The following KCNH8 variants were observed in gnomAD, a reference collection of about 807,000 sequenced individuals.
KCNH8 encodes the protein potassium voltage-gated channel subfamily H member 8.
KCNH8 carries 70 observed loss-of-function variants against 103.6 expected under a neutral mutation model. The ratio of observed to expected loss-of-function variants is 0.68; its 90% CI spans 0.56 to 0.82. The LOEUF (loss-of-function observed/expected upper bound fraction) is 0.82. Among genes scored for constraint, KCNH8 ranks in the 40% least tolerant of loss-of-function variants. KCNH8 has a pLI of 0.00. For synonymous variants in KCNH8, 498 were observed against 489.4 expected, an observed-to-expected ratio of 1.02 and a Z score of -0.23; for missense variants, 1,217 against 1,329.9, an observed-to-expected ratio of 0.92 and a Z score of 1.32.
chr3:19,219,096 T>C (rs1211151741), intron 1 of KCNH8, among the ~76,000 whole-genome samples: 1 of 152,188 alleles, frequency 6.6e-6, no homozygotes, highest in Non-Finnish European at 1.5e-5. Flanking sequence ...CTACCCTCTT[T>C]GAGGTTTTTT....
chr3:19,177,716 T>A (rs2063414215), intron 1 of KCNH8, among the ~76,000 whole-genome samples: 1 of 152,050 alleles, frequency 6.6e-6, no homozygotes, highest in Admixed American at 6.5e-5. Flanking sequence ...TTTTAAAGAA[T>A]CATGAATGAA....
intron 3 of KCNH8, among the ~76,000 whole-genome samples, chr3:19,310,584 A>G (rs2065195353): frequency 6.6e-6 from 1 of 151,850 alleles, no homozygotes; most frequent in Non-Finnish European, 1.5e-5. Context: ...GCAGATCTGG[A>G]GGAGGTGAGA....
intron 7 of KCNH8, among the ~76,000 whole-genome samples, chr3:19,435,379 A>C (rs149039994): frequency 3.8e-4 from 58 of 152,308 alleles, no homozygotes; most frequent in African/African-American, 1.4e-3. Context: ...GTGATTATTA[A>C]TGAAATAACG....
intron 5 of KCNH8, among the ~76,000 whole-genome samples, chr3:19,350,065 C>T (rs959583470): frequency 6.6e-5 from 10 of 152,068 alleles, no homozygotes; most frequent in Admixed American, 6.6e-5. Flanking sequence ...CCTATTCTTT[C>T]CTGCTGTTAT....
At chr3:19,428,414 A>G (rs570597663) in intron 7 of KCNH8, among the ~76,000 whole-genome samples, 5 of 152,312 alleles carry the variant, frequency 3.3e-5, no homozygotes, top group South Asian at 2.1e-4. Flanking sequence ...GAATGATGCA[A>G]TTGTGTACAT....
chr3:19,509,999 AG>A (rs35082901), intron 11 of KCNH8, among the ~76,000 whole-genome samples: 113,961 of 150,738 alleles, frequency 0.76, 43,947 homozygotes, highest in African/African-American at 0.93. Context: ...AGGGAGATAG[AG>A]GAAAAAAAAA....
intron 5 of KCNH8, among the ~76,000 whole-genome samples, chr3:19,385,612 A>C (rs1297206339): frequency 6.6e-6 from 1 of 152,160 alleles, no homozygotes; most frequent in East Asian, 1.9e-4. Flanking sequence ...CAAGATAAGC[A>C]AGGGTCAAGT....
chr3:19,245,980 G>A (rs940491428), intron 1 of KCNH8, among the ~76,000 whole-genome samples: 7 of 151,976 alleles, frequency 4.6e-5, no homozygotes, highest in African/African-American at 1.7e-4. Context: ...AACTCTAAGG[G>A]ACAATAAACC....
intron 11 of KCNH8, among the ~76,000 whole-genome samples, chr3:19,506,819 G>A (rs1559363350): frequency 6.6e-6 from 1 of 152,106 alleles, no homozygotes; most frequent in Non-Finnish European, 1.5e-5. Context: ...GCTGCACTGG[G>A]GACCCAAGCT....
intron 8 of KCNH8, among the ~76,000 whole-genome samples, chr3:19,445,176 G>A (rs1371269487): frequency 6.6e-6 from 1 of 151,928 alleles, no homozygotes; most frequent in African/African-American, 2.4e-5. Context: ...GAACCTTATG[G>A]ATAAATCGTA....
At chr3:19,241,560 G>T (rs2064141560) in intron 1 of KCNH8, among the ~76,000 whole-genome samples, 1 of 152,072 alleles carries the variant, frequency 6.6e-6, no homozygotes, top group African/African-American at 2.4e-5. Flanking sequence ...ATCATCAACA[G>T]AAATGAGTTT....
At chr3:19,433,973 A>G (rs911363378) in intron 7 of KCNH8, among the ~76,000 whole-genome samples, 3 of 152,186 alleles carry the variant, frequency 2.0e-5, no homozygotes, top group African/African-American at 7.2e-5. Flanking sequence ...AAAAATTTAT[A>G]GTTTAGTTAA....
chr3:19,400,230 G>GCA (rs2066590703), intron 7 of KCNH8, among the ~76,000 whole-genome samples: 2 of 12,018 alleles, frequency 1.7e-4, no homozygotes, highest in African/African-American at 1.1e-3. Flanking sequence ...ATGTTAGCCA[G>GCA]CAAAAAAAAA....
At chr3:19,368,845 G>C (rs1459411527) in intron 5 of KCNH8, among the ~76,000 whole-genome samples, 1 of 151,892 alleles carries the variant, frequency 6.6e-6, no homozygotes, top group Non-Finnish European at 1.5e-5. Context: ...GTGAGATGCT[G>C]TCTAATTTTA....
intron 3 of KCNH8, among the ~76,000 whole-genome samples, chr3:19,299,787 G>A (rs944901190): frequency 6.6e-6 from 1 of 151,914 alleles, no homozygotes; most frequent in Non-Finnish European, 1.5e-5. Flanking sequence ...AGTGATTTTG[G>A]ATGACACATC....
intron 5 of KCNH8, among the ~76,000 whole-genome samples, chr3:19,368,827 A>G (rs1306620491): frequency 1.3e-5 from 2 of 152,058 alleles, no homozygotes; most frequent in Non-Finnish European, 2.9e-5. Context: ...GGTCTCGTCA[A>G]GAAAAATGTG....
intron 1 of KCNH8, among the ~76,000 whole-genome samples, chr3:19,207,228 T>G (rs1260555869): frequency 1.3e-5 from 2 of 151,938 alleles, no homozygotes; most frequent in Non-Finnish European, 2.9e-5. Context: ...AAGAGCTTTT[T>G]GGGAAGGAAG....
chr3:19,294,861 G>A (rs369387033), intron 3 of KCNH8, among the ~76,000 whole-genome samples: 134 of 152,236 alleles, frequency 8.8e-4, no homozygotes, highest in African/African-American at 3.0e-3. Flanking sequence ...TAAAATATCT[G>A]CAGCCAGTCA....
At position 19,419,757 on chromosome 3, in the gene KCNH8, A is replaced by G. The variant is rs141272535; in HGVS notation, c.1178-18407A>G. Among the ~76,000 whole-genome samples, 52 of 151,976 alleles carry G rather than the reference A, an allele frequency of 3.4e-4. 1 individual carries two copies. Among genetic ancestry groups the G allele is most frequent in the African/African-American group, 1.1e-3 (46 of 41,474 alleles). Reference sequence around the variant, plus strand: ...GATTCACATCCTACTATATTTATCCATACTCCTATCCTTTACACCAAACTC... The same window carrying G: ...GATTCACATCCTACTATATTTATCCGTACTCCTATCCTTTACACCAAACTC... On this transcript the variant is annotated intron_variant, in intron 7 of 15. Coordinates refer to ENST00000328405, the MANE Select transcript of KCNH8 (RefSeq NM_144633.3).
Sources: allele counts gnomAD v4.1 joint callset (sites outside exome capture counted in the v4.1 genomes callset), GRCh38; gene constraint gnomAD v4.1.1; transcripts MANE v1.5; gene names NCBI Gene and HGNC (gene_info 2026-07-23, HGNC 2026-07-21).